The following LAMA2 variants were observed in gnomAD, a reference collection of about 807,000 sequenced individuals.
The protein encoded by LAMA2 is laminin subunit alpha-2.
A neutral mutation model predicts 364.8 loss-of-function variants in LAMA2; 269 were observed. That is an observed-to-expected ratio of 0.74 (90% CI 0.67 to 0.82). The LOEUF (loss-of-function observed/expected upper bound fraction) is 0.82, where lower values mean the gene tolerates loss of function less well. Among genes scored for constraint, LAMA2 ranks in the 40% least tolerant of loss-of-function variants. LAMA2 has a pLI of 0.00. For missense variants in LAMA2, 3,807 were observed against 3,873.2 expected, an observed-to-expected ratio of 0.98 and a Z score of 0.45; for synonymous variants, 1,379 against 1,370.6, an observed-to-expected ratio of 1.01 and a Z score of -0.14.
intron 8 of LAMA2, chr6:129,158,963 T>C: frequency 6.3e-7 from 1 of 1,590,028 alleles, no homozygotes; most frequent in Non-Finnish European, 8.6e-7. Context: ...CAAGGTATCC[T>C]CTGGTGCTAA....
At chr6:129,484,447 T>C (rs1784499946) in intron 55 of LAMA2, among the ~76,000 whole-genome samples, 2 of 152,178 alleles carry the variant, frequency 1.3e-5, no homozygotes, top group South Asian at 4.1e-4. Context: ...TTTTTGCACA[T>C]GGGCATAATA....
chr6:129,142,114 A>G (rs1479577321), intron 4 of LAMA2, among the ~76,000 whole-genome samples: 2 of 152,042 alleles, frequency 1.3e-5, no homozygotes, highest in Non-Finnish European at 2.9e-5. Flanking sequence ...CCAGTCCCAT[A>G]TTGATGGATA....
chr6:129,393,345 C>A, intron 37 of LAMA2, 90 bp downstream of exon 37: 1 of 965,116 alleles, frequency 1.0e-6, no homozygotes, highest in Non-Finnish European at 1.7e-6. Flanking sequence ...CAAGTTGATG[C>A]ACATTTACAA....
rs532186000 is a variant in LAMA2, at chr6:128,906,321, G to T, written c.112+22964G>T. ...GTTGTTTCCTGACTTTTTAATGACTGCCATTCTAACTGGTGTGAGATGGTA... is the reference window on the plus strand; with the variant it reads ...GTTGTTTCCTGACTTTTTAATGACTTCCATTCTAACTGGTGTGAGATGGTA... On this transcript the variant is annotated intron_variant, in intron 1 of 64. Coordinates refer to ENST00000421865, the MANE Select transcript of LAMA2 (RefSeq NM_000426.4). 9.4e-3 allele frequency among the ~76,000 whole-genome samples: 1,207 copies of T among 127,918 alleles called. 32 individuals carry two copies. Among genetic ancestry groups the T allele is most frequent in the African/African-American group, 0.035 (1,138 of 32,180 alleles). 83.9% of individuals were successfully genotyped at this position (127,918 alleles called of 152,430 possible).
intron 10 of LAMA2, among the ~76,000 whole-genome samples, chr6:129,182,866 G>A (rs1781009407): frequency 6.6e-6 from 1 of 151,368 alleles, no homozygotes. Flanking sequence ...AGGTTGCATG[G>A]GTAATGCATG....
intron 1 of LAMA2, among the ~76,000 whole-genome samples, chr6:128,932,892 CAG>C (rs1277086972): frequency 6.6e-6 from 1 of 152,144 alleles, no homozygotes; most frequent in East Asian, 1.9e-4. Flanking sequence ...TCCAAATAAA[CAG>C]TACAATATTA....
intron 18 of LAMA2, among the ~76,000 whole-genome samples, chr6:129,285,994 G>A (rs1270346090): frequency 6.6e-6 from 1 of 151,962 alleles, no homozygotes; most frequent in Admixed American, 6.6e-5. Flanking sequence ...ACATTTTCTA[G>A]AAAACTTAGA....
intron 1 of LAMA2, among the ~76,000 whole-genome samples, chr6:128,912,735 C>G (rs1778058280): frequency 6.6e-6 from 1 of 152,168 alleles, no homozygotes; most frequent in African/African-American, 2.4e-5. Flanking sequence ...TCATTAGATT[C>G]ATACAGTCAG....
At chr6:129,222,771 T>C (rs1007089415) in intron 12 of LAMA2, among the ~76,000 whole-genome samples, 4 of 152,118 alleles carry the variant, frequency 2.6e-5, no homozygotes, top group African/African-American at 9.7e-5. Flanking sequence ...GTTCCAAGTC[T>C]TTGCTATTAT....
intron 41 of LAMA2, among the ~76,000 whole-genome samples, chr6:129,431,764 A>G (rs1010710643): frequency 1.3e-5 from 2 of 152,176 alleles, no homozygotes; most frequent in African/African-American, 4.8e-5. Flanking sequence ...CATTATTCCA[A>G]TCATTAAGTT....
At chr6:129,319,054 A>G (rs1774789448) in intron 27 of LAMA2, among the ~76,000 whole-genome samples, 1 of 152,180 alleles carries the variant, frequency 6.6e-6, no homozygotes, top group Non-Finnish European at 1.5e-5. Flanking sequence ...TCACCATCAG[A>G]AAAGGTGAGT....
At chr6:129,375,827 AAACTC>A (rs1554283183) in intron 34 of LAMA2, among the ~76,000 whole-genome samples, 8 of 152,176 alleles carry the variant, frequency 5.3e-5, no homozygotes, top group Non-Finnish European at 1.2e-4. Flanking sequence ...ATCTCAAACT[AAACTC>A]ATCATTTCCT....
intron 58 of LAMA2, among the ~76,000 whole-genome samples, chr6:129,502,005 C>T (rs376952845): frequency 3.3e-4 from 50 of 152,284 alleles, no homozygotes; most frequent in African/African-American, 1.1e-3. Flanking sequence ...TGCACAGCCC[C>T]GCACCTAGCT....
intron 12 of LAMA2, among the ~76,000 whole-genome samples, chr6:129,211,532 C>T (rs928881647): frequency 7.2e-5 from 11 of 152,184 alleles, no homozygotes; most frequent in Non-Finnish European, 4.4e-5. Flanking sequence ...GGACTTATAA[C>T]TCCCTTGCAG....
intron 4 of LAMA2, among the ~76,000 whole-genome samples, chr6:129,107,170 C>A (rs1268273941): frequency 6.6e-6 from 1 of 152,134 alleles, no homozygotes; most frequent in Admixed American, 6.5e-5. Context: ...TTTCAGGTAG[C>A]TCTGCCAAGG....
chr6:129,217,139 A>C, intron 12 of LAMA2, among the ~76,000 whole-genome samples: 1 of 151,944 alleles, frequency 6.6e-6, no homozygotes, highest in East Asian at 1.9e-4. Flanking sequence ...CAGTGAGCTG[A>C]GATCGTGCCT....
chr6:129,048,513 C>CTTCT (rs1787733452), intron 1 of LAMA2, among the ~76,000 whole-genome samples: 2 of 44,218 alleles, frequency 4.5e-5, no homozygotes, highest in Non-Finnish European at 1.0e-4. Context: ...TCCTTCCTTC[C>CTTCT]TTCCTTCCTT....
intron 4 of LAMA2, among the ~76,000 whole-genome samples, chr6:129,108,192 A>G (rs1323191405): frequency 1.3e-5 from 2 of 151,732 alleles, no homozygotes; most frequent in African/African-American, 4.8e-5. Context: ...TGGCATATTT[A>G]TATTTATCAG....
chr6:129,475,882 T>C (rs565393045), intron 53 of LAMA2, among the ~76,000 whole-genome samples: 1 of 152,302 alleles, frequency 6.6e-6, no homozygotes, highest in Admixed American at 6.5e-5. Flanking sequence ...CCTGCAGATA[T>C]GCAAACATTT....
Sources: gnomAD v4.1 joint callset for allele counts (sites outside exome capture counted in the v4.1 genomes callset) on GRCh38, gnomAD v4.1.1 for gene constraint, MANE v1.5 for transcripts, NCBI Gene and HGNC (gene_info 2026-07-23, HGNC 2026-07-21) for gene names.